The following UBXN10 variants were observed in gnomAD, a reference collection of about 807,000 sequenced individuals.
The protein encoded by UBXN10 is UBX domain-containing protein 10.
Under a neutral mutation model 6.9 loss-of-function variants are expected in UBXN10, and 6 were observed. The ratio of observed to expected loss-of-function variants is 0.87; its 90% CI spans 0.48 to 1.72. The LOEUF is 1.72. Among genes scored for constraint, UBXN10 ranks in the 40% most tolerant of loss-of-function variants. The pLI, the probability that UBXN10 is intolerant of heterozygous loss-of-function variation, is 0.01. For synonymous variants in UBXN10, 131 were observed against 135.2 expected, an observed-to-expected ratio of 0.97 and a Z score of 0.21; for missense variants, 317 against 348.4, an observed-to-expected ratio of 0.91 and a Z score of 0.72.
chr1:20,188,896 AC>A (rs1288483511), intron 1 of UBXN10, among the ~76,000 whole-genome samples: 1 of 152,156 alleles, frequency 6.6e-6, no homozygotes, highest in Non-Finnish European at 1.5e-5. Flanking sequence ...GCAAACAACG[AC>A]GACAACAAAA....
At position 20,193,461 on chromosome 1, in the gene UBXN10, AT is replaced by A. The variant is rs149668247; in HGVS notation, c.*2067del. 0.012 allele frequency: 2,030 copies of A among 163,050 alleles called. 45 individuals carry two copies. Among genetic ancestry groups the A allele is most frequent in the African/African-American group, 0.046 (1,892 of 41,024 alleles). The allele number at this position is 163,050 out of a possible 1,614,324, so 10.1% of individuals were successfully genotyped here. On this transcript the variant is annotated 3_prime_UTR_variant, in exon 2 of 2. Coordinates refer to ENST00000375099, the MANE Select transcript of UBXN10 (RefSeq NM_152376.5). ...CTAGACTCAAACCATCATAATAAACATTTTTTTTTTGGACAAAAGATGATAC... is the reference window on the plus strand; with the variant it reads ...CTAGACTCAAACCATCATAATAAACATTTTTTTTTGGACAAAAGATGATAC...
intron 1 of UBXN10, 117 bp downstream of exon 1, chr1:20,186,270 C>T (rs2018390900): frequency 6.6e-6 from 1 of 152,256 alleles, no homozygotes; most frequent in African/African-American, 2.4e-5. Context: ...CTCCCCAGAC[C>T]CAGCCCGGGG....
chr1:20,189,485 C>T (rs539931531), intron 1 of UBXN10, among the ~76,000 whole-genome samples: 23 of 152,118 alleles, frequency 1.5e-4, no homozygotes, highest in Non-Finnish European at 3.1e-4. Context: ...GAAATGTTCA[C>T]GCCTCCCACC....
At chr1:20,185,845 T>C (rs2018365164), upstream of UBXN10, among the ~76,000 whole-genome samples, 1 of 151,736 alleles carries the variant, frequency 6.6e-6, no homozygotes, top group Non-Finnish European at 1.5e-5. Context: ...TCCCAGACAC[T>C]CTCCCCCAGA....
intron 1 of UBXN10, among the ~76,000 whole-genome samples, chr1:20,189,105 C>G (rs7528802): frequency 0.015 from 2,330 of 152,096 alleles, 73 homozygotes; most frequent in African/African-American, 0.053. Context: ...GAGTGATTGC[C>G]CCTTGATCAG....
chr1:20,186,397 A>G (rs529696103), intron 1 of UBXN10: 6 of 152,334 alleles, frequency 3.9e-5, no homozygotes, highest in South Asian at 4.1e-4. Flanking sequence ...CTCTGCAGAA[A>G]CCGAGGGACC....
chr1:20,185,303 C>T (rs2018349901), upstream of UBXN10, among the ~76,000 whole-genome samples: 1 of 152,080 alleles, frequency 6.6e-6, no homozygotes, highest in South Asian at 2.1e-4. Context: ...TGTAGGTGGA[C>T]TGGTTTGGCT....
At chr1:20,183,882 A>G (rs2018317506), upstream of UBXN10, among the ~76,000 whole-genome samples, 1 of 152,186 alleles carries the variant, frequency 6.6e-6, no homozygotes, top group Non-Finnish European at 1.5e-5. Context: ...GTGAGTCCAC[A>G]TTTCAGCTGG....
chr1:20,191,169 T>C lies in UBXN10; in HGVS notation c.608T>C (p.Val203Ala). Reference sequence around the variant, plus strand: ...CAAGAACCAAGGTTGCTGCTTGCTGTTAGATCACCAACAGGCCAAAGGTTT... The same window carrying C: ...CAAGAACCAAGGTTGCTGCTTGCTGCTAGATCACCAACAGGCCAAAGGTTT... The part of the protein sequence containing the change: ...SDQEPRLLLA[V>A]RSPTGQRFVR... The change falls in exon 2 of 2, where the codon GTT becomes GCT. Residue 203 changes from valine (V) to alanine (A), a missense_variant. Transcript: ENST00000375099. This position sits in a 1 kb window ranked among gnomAD's most constrained non-coding sequence, Gnocchi z 4.5. The C allele has an allele frequency of 1.2e-6, 2 of 1,614,202 alleles. No individual in the cohort carries two copies. The highest frequency in any genetic ancestry group is 1.7e-6 in the Non-Finnish European group (2 of 1,180,036).
In UBXN10 at chr1:20,195,827, AGGG is replaced by A. The variant is rs2018588446; in HGVS notation, c.*4425_*4427del. 6.0e-6 allele frequency: 1 copy of A among 167,132 alleles called. No individual in the cohort carries two copies. The highest frequency in any genetic ancestry group is 2.1e-4 in the South Asian group (1 of 4,834). The allele number at this position is 167,132 out of a possible 1,614,324, so 10.4% of individuals were successfully genotyped here. A position where few individuals can be genotyped will look rare whatever the true frequency, so the allele number is the denominator to read the frequency against. On this transcript the variant is annotated 3_prime_UTR_variant, in exon 2 of 2. Coordinates refer to ENST00000375099, the MANE Select transcript of UBXN10 (RefSeq NM_152376.5). ...TAAGTTAAAAGTATCATCTACCTCTAGGGGTATGATATGACTGCTGACCAAGGT... is the reference window on the plus strand; with the variant it reads ...TAAGTTAAAAGTATCATCTACCTCTAGTATGATATGACTGCTGACCAAGGT...
In UBXN10 at chr1:20,195,454, G is replaced by A. The variant is rs910191754; in HGVS notation, c.*4050G>A. 3 of 167,212 alleles carry A rather than the reference G, an allele frequency of 1.8e-5. No individual in the cohort carries two copies. Among genetic ancestry groups the A allele is most frequent in the African/African-American group, 7.2e-5 (3 of 41,458 alleles). The allele number at this position is 167,212 out of a possible 1,614,324, so 10.4% of individuals were successfully genotyped here. On this transcript the variant is annotated 3_prime_UTR_variant, in exon 2 of 2. Coordinates refer to ENST00000375099, the MANE Select transcript of UBXN10 (RefSeq NM_152376.5). The stretch of plus-strand genomic sequence containing the variant: ...CCAGAGAGAGGTGATGGTGGTTCGG[G>A]CCAGGGTGGTAGCCAGAGATGTCAT...
upstream of UBXN10, among the ~76,000 whole-genome samples, chr1:20,183,454 T>A (rs1208281414): frequency 1.3e-5 from 2 of 152,142 alleles, no homozygotes; most frequent in African/African-American, 4.8e-5. Context: ...GGATGCAGGT[T>A]GTAAAATTGC....
rs540530688 is a variant in UBXN10 at position 20,192,910 on chromosome 1, C to T, written c.*1506C>T. On this transcript the variant is annotated 3_prime_UTR_variant, in exon 2 of 2. Transcript: ENST00000375099. ...TTGCTCAGAAGAAGGCTGGTCTGGTCCTAACTGCATCCCACACTGCCCAGA... is the reference window on the plus strand; with the variant it reads ...TTGCTCAGAAGAAGGCTGGTCTGGTTCTAACTGCATCCCACACTGCCCAGA... 2 of 167,218 alleles carry T rather than the reference C, an allele frequency of 1.2e-5. No individual in the cohort carries two copies. Among genetic ancestry groups the T allele is most frequent in the African/African-American group, 4.8e-5 (2 of 41,548 alleles). The allele number at this position is 167,218 out of a possible 1,614,324, so 10.4% of individuals were successfully genotyped here. A position where few individuals can be genotyped will look rare whatever the true frequency, so the allele number is the denominator to read the frequency against.
chr1:20,190,575 C>T lies in UBXN10; in HGVS notation c.14C>T (p.Ala5Val). Residue 5 changes from alanine (A) to valine (V), a missense_variant, in exon 2 of 2, where the codon GCC (alanine) becomes GTC (valine). Transcript: ENST00000375099. ...TCTTGAGAAGCAATGGCCACAGAAG[C>T]CCCTGTGAATATAGCACCACCTGAG... MATE[A>V]PVNIAPPECS... 1 of 1,611,938 alleles carries T rather than the reference C, an allele frequency of 6.2e-7. No homozygotes were observed. The highest frequency in any genetic ancestry group is 8.5e-7 in the Non-Finnish European group (1 of 1,178,302).
In UBXN10 at chr1:20,195,311, A is replaced by C. The variant is rs1289873445; in HGVS notation, c.*3907A>C. Reference sequence around the variant, plus strand: ...TGAACGACTGTGGTGACAAATGCCCACGGGTAAAACTGAGCAAGCCTCATT... The same window carrying C: ...TGAACGACTGTGGTGACAAATGCCCCCGGGTAAAACTGAGCAAGCCTCATT... On this transcript the variant is annotated 3_prime_UTR_variant, in exon 2 of 2. Coordinates refer to ENST00000375099, the MANE Select transcript of UBXN10 (RefSeq NM_152376.5). The C allele has an allele frequency of 6.0e-6, 1 of 167,164 alleles. No homozygotes were observed. Among genetic ancestry groups the C allele is most frequent in the East Asian group, 1.9e-4 (1 of 5,204 alleles). 10.4% of individuals were successfully genotyped at this position (167,164 alleles called of 1,614,324 possible).
chr1:20,186,531 A>C (rs2018397116), intron 1 of UBXN10: 1 of 152,272 alleles, frequency 6.6e-6, no homozygotes, highest in Admixed American at 6.5e-5. Context: ...CCCCTCCCCC[A>C]GTCCTGTGCT....
At position 20,190,643 on chromosome 1, in the gene UBXN10, C is replaced by T. The variant is rs377536705; in HGVS notation, c.82C>T (p.Gln28Ter). The stretch of plus-strand genomic sequence containing the variant: ...CACAGCAGTTGACAGCCTCATTTGG[C>T]AGCCAAACTCACTAAATATGCACAT... ...VSTAVDSLIWQPNSLNMHMIR... is the reference protein window; with the variant it reads ...VSTAVDSLIW The change falls in exon 2 of 2, where the codon CAG becomes TAG. Residue 28 changes from glutamine to a stop codon, truncating the protein, a stop_gained. Transcript: ENST00000375099. LOFTEE classifies it low-confidence loss of function (END_TRUNC). 6.2e-6 allele frequency: 10 copies of T among 1,614,066 alleles called. No individual in the cohort carries two copies. The African/African-American group carries it at 1.3e-4, about 22-fold the overall frequency.
At position 20,192,135 on chromosome 1, in the gene UBXN10, T is replaced by G. The variant is rs41307804; in HGVS notation, c.*731T>G. On this transcript the variant is annotated 3_prime_UTR_variant, in exon 2 of 2. Coordinates refer to ENST00000375099, the MANE Select transcript of UBXN10 (RefSeq NM_152376.5). ...TTTACAACTTCTGGGAGCTACTCTG[T>G]GGGCTGAATTCTTCCAAAACCGAGA... 859 of 167,226 alleles carry G rather than the reference T, an allele frequency of 5.1e-3. 3 individuals carry two copies. Among genetic ancestry groups the G allele is most frequent in the Non-Finnish European group, 0.01 (682 of 68,120 alleles). The allele number at this position is 167,226 out of a possible 1,614,324, so 10.4% of individuals were successfully genotyped here.
At position 20,194,477 on chromosome 1, in the gene UBXN10, AC is replaced by A. The variant is rs1237914164; in HGVS notation, c.*3076del. 6.0e-6 allele frequency: 1 copy of A among 167,074 alleles called. No homozygotes were observed. The highest frequency in any genetic ancestry group is 2.4e-5 in the African/African-American group (1 of 41,444). 10.3% of individuals were successfully genotyped at this position (167,074 alleles called of 1,614,324 possible). The stretch of plus-strand genomic sequence containing the variant: ...AGATGGCTTGTGAACATGACTGTGG[AC>A]CCAGAGTCACCCCAGAGCTCCCATA... On this transcript the variant is annotated 3_prime_UTR_variant, in exon 2 of 2. Coordinates refer to ENST00000375099, the MANE Select transcript of UBXN10 (RefSeq NM_152376.5).
Sources: gnomAD v4.1 joint callset for allele counts (sites outside exome capture counted in the v4.1 genomes callset) on GRCh38, gnomAD v4.1.1 for gene constraint, Gnocchi (gnomAD v3.1) non-coding constraint, MANE v1.5 for transcripts, NCBI Gene and HGNC (gene_info 2026-07-23, HGNC 2026-07-21) for gene names.